TANC2: variants seen among roughly 807,000 people sequenced by gnomAD.
TANC2 encodes protein TANC2.
TANC2 carries 26 observed loss-of-function variants against 210.5 expected under a neutral mutation model. That is an observed-to-expected ratio of 0.12 (90% CI 0.09 to 0.17). The LOEUF (loss-of-function observed/expected upper bound fraction) is 0.17. Among genes scored for constraint, TANC2 ranks in the 10% least tolerant of loss-of-function variants. The pLI, the probability that TANC2 is intolerant of heterozygous loss-of-function variation, is 1.00. For synonymous variants in TANC2, 931 were observed against 967.1 expected, an observed-to-expected ratio of 0.96 and a Z score of 0.69; for missense variants, 2,129 against 2,608.9, an observed-to-expected ratio of 0.82 and a Z score of 4.01.
chr17:63,326,888 G>A (rs114276929), intron 11 of TANC2, among the ~76,000 whole-genome samples: 1 of 152,130 alleles, frequency 6.6e-6, no homozygotes, highest in African/African-American at 2.4e-5. Flanking sequence ...GGAATGACAT[G>A]TAAACTAAAA....
At chr17:63,101,729 A>T (rs913949192) in intron 4 of TANC2, among the ~76,000 whole-genome samples, 42 of 152,214 alleles carry the variant, frequency 2.8e-4, no homozygotes, top group African/African-American at 9.2e-4. Flanking sequence ...GGTGGCAACT[A>T]CTACAAAGGT....
intron 4 of TANC2, among the ~76,000 whole-genome samples, chr17:63,124,631 T>G (rs947701880): frequency 6.6e-6 from 1 of 152,232 alleles, no homozygotes; most frequent in Non-Finnish European, 1.5e-5. Flanking sequence ...TTTTGGTGTC[T>G]GTGATATATA....
chr17:63,040,529 C>G (rs1244754223), intron 2 of TANC2, among the ~76,000 whole-genome samples: 1 of 152,078 alleles, frequency 6.6e-6, no homozygotes, highest in Non-Finnish European at 1.5e-5. Context: ...CCAGCAGAGT[C>G]AGCTTTTAAT....
chr17:63,096,940 G>A (rs1272179383), intron 3 of TANC2, among the ~76,000 whole-genome samples: 1 of 151,218 alleles, frequency 6.6e-6, no homozygotes, highest in East Asian at 1.9e-4. Flanking sequence ...CTCTCATTTT[G>A]GCTTTGTTTT....
intron 7 of TANC2, among the ~76,000 whole-genome samples, chr17:63,212,073 C>T (rs1259868826): frequency 7.2e-5 from 11 of 152,116 alleles, no homozygotes; most frequent in Admixed American, 6.6e-5. Flanking sequence ...TGTTCCCCAC[C>T]CTGTGTCCAA....
intron 5 of TANC2, among the ~76,000 whole-genome samples, chr17:63,167,078 T>G (rs1018939620): frequency 2.6e-5 from 4 of 152,204 alleles, no homozygotes; most frequent in African/African-American, 9.6e-5. Flanking sequence ...ATTGACGCTA[T>G]GCCATAGATG....
At chr17:63,332,961 A>T (rs937206374) in intron 11 of TANC2, among the ~76,000 whole-genome samples, 1 of 152,180 alleles carries the variant, frequency 6.6e-6, no homozygotes, top group Non-Finnish European at 1.5e-5. Context: ...CACTATTGAG[A>T]TCTACACAGA....
At chr17:63,095,770 C>T (rs1232399779) in intron 3 of TANC2, among the ~76,000 whole-genome samples, 1 of 152,128 alleles carries the variant, frequency 6.6e-6, no homozygotes, top group Non-Finnish European at 1.5e-5. Flanking sequence ...TAATCAAATT[C>T]TCTGCTCACC....
intron 7 of TANC2, among the ~76,000 whole-genome samples, chr17:63,237,213 CTGA>C (rs1269233208): frequency 1.3e-5 from 2 of 152,026 alleles, no homozygotes; most frequent in Non-Finnish European, 2.9e-5. Context: ...TTGCATTTCT[CTGA>C]TGATTACTAA....
intron 7 of TANC2, among the ~76,000 whole-genome samples, chr17:63,233,088 G>A (rs1250835374): frequency 6.6e-6 from 1 of 152,170 alleles, no homozygotes; most frequent in Non-Finnish European, 1.5e-5. Context: ...GGTCTAAACC[G>A]CCCAGTCTCC....
chr17:63,011,933 C>G (rs2033891538), intron 2 of TANC2, among the ~76,000 whole-genome samples: 1 of 151,192 alleles, frequency 6.6e-6, no homozygotes, highest in Non-Finnish European at 1.5e-5. Flanking sequence ...TATCTGTGTG[C>G]TGTCTACTTG....
chr17:63,250,342 T>C (rs1257580019), intron 8 of TANC2, among the ~76,000 whole-genome samples: 3 of 152,086 alleles, frequency 2.0e-5, no homozygotes, highest in African/African-American at 7.2e-5. Context: ...CTCACAGTGT[T>C]GCCCAGATTG....
chr17:63,336,803 GA>G (rs1197772442), intron 11 of TANC2, among the ~76,000 whole-genome samples: 1 of 152,160 alleles, frequency 6.6e-6, no homozygotes, highest in Admixed American at 6.5e-5. Flanking sequence ...AAGTTACTTT[GA>G]AAGACAAGAA....
chr17:63,124,637 A>G (rs1220169386), intron 4 of TANC2, among the ~76,000 whole-genome samples: 1 of 152,200 alleles, frequency 6.6e-6, no homozygotes, highest in South Asian at 2.1e-4. Flanking sequence ...TGTCTGTGAT[A>G]TATAGTCACA....
intron 15 of TANC2, among the ~76,000 whole-genome samples, chr17:63,385,784 G>C (rs756449416): frequency 2.0e-5 from 3 of 152,186 alleles, no homozygotes; most frequent in Non-Finnish European, 2.9e-5. Flanking sequence ...GTAGAAATTA[G>C]GTAGCCATTT....
chr17:63,221,580 C>G (rs1485288128), intron 7 of TANC2, among the ~76,000 whole-genome samples: 2 of 151,982 alleles, frequency 1.3e-5, no homozygotes, highest in Non-Finnish European at 2.9e-5. Flanking sequence ...AGGCATACAA[C>G]TTGAATTTCA....
At position 63,301,771 on chromosome 17, in the gene TANC2, A is replaced by G. The variant is rs527545552; in HGVS notation, c.1160-12617A>G. Among the ~76,000 whole-genome samples the G allele has an allele frequency of 8.5e-5, 13 of 152,094 alleles. No individual in the cohort carries two copies. In the South Asian group the frequency reaches 1.9e-3, roughly 22 times the overall value. The stretch of plus-strand genomic sequence containing the variant: ...TGTTTCAAGGGTTTTTCTTGTCTCT[A>G]TACTCTTCAGTTCTGCTCTGATCTT... On this transcript the variant is annotated intron_variant, in intron 9 of 27. Coordinates refer to ENST00000689528, the Ensembl canonical transcript of TANC2.
At chr17:63,282,823 C>T (rs2044100265) in intron 9 of TANC2, among the ~76,000 whole-genome samples, 1 of 151,968 alleles carries the variant, frequency 6.6e-6, no homozygotes, top group African/African-American at 2.4e-5. Context: ...ATCTGAACAT[C>T]CTCTTTAAGT....
intron 7 of TANC2, among the ~76,000 whole-genome samples, chr17:63,229,563 T>G (rs1442071110): frequency 6.6e-6 from 1 of 151,798 alleles, no homozygotes; most frequent in Non-Finnish European, 1.5e-5. Flanking sequence ...GGGTTTTTTT[T>G]TTTTTTTTGG....
Sources: gnomAD v4.1 joint callset for allele counts (sites outside exome capture counted in the v4.1 genomes callset) on GRCh38, gnomAD v4.1.1 for gene constraint, MANE v1.5 for transcripts, NCBI Gene and HGNC (gene_info 2026-07-23, HGNC 2026-07-21) for gene names.